The following PCDHGA2 variants were observed in gnomAD, a reference collection of about 807,000 sequenced individuals.
The protein encoded by PCDHGA2 is protocadherin gamma subfamily A, 2, also known as protocadherin gamma-A2.
Under a neutral mutation model 59.2 loss-of-function variants are expected in PCDHGA2, and 40 were observed. The ratio of observed to expected loss-of-function variants is 0.68; its 90% CI spans 0.52 to 0.88. PCDHGA2 has a LOEUF of 0.88. Ranked by LOEUF, PCDHGA2 falls within the 40% of genes least tolerant of loss-of-function variation. PCDHGA2 has a pLI of 0.00. For synonymous variants in PCDHGA2, 560 were observed against 526.0 expected, an observed-to-expected ratio of 1.06 and a Z score of -0.89; for missense variants, 1,226 against 1,204.0, an observed-to-expected ratio of 1.02 and a Z score of -0.27.
At chr5:141,343,506 C>G (rs925556999) in intron 1 of PCDHGA2, among the ~76,000 whole-genome samples, 3 of 152,098 alleles carry the variant, frequency 2.0e-5, no homozygotes, top group Non-Finnish European at 4.4e-5. Context: ...TTGTGTTGGT[C>G]CTTACGGCCA....
chr5:141,481,658 T>C (rs910422064), intron 1 of PCDHGA2, among the ~76,000 whole-genome samples: 2 of 150,554 alleles, frequency 1.3e-5, no homozygotes, highest in East Asian at 2.0e-4. Context: ...TCTCTACTAA[T>C]AATACAAAAA....
In PCDHGA2 at chr5:141,433,401, A is replaced by ATCTC. The variant is rs1554126038; in HGVS notation, c.2425-61403_2425-61402insCTCT. On this transcript the variant is annotated intron_variant, in intron 1 of 3. Transcript: ENST00000394576. ...TATCTATCTATCTATCTATCTATCT[A>ATCTC]TCTATTACTTTCTTGTACAGACAGG... Among the ~76,000 whole-genome samples, 677 of 150,598 alleles carry ATCTC rather than the reference A, an allele frequency of 4.5e-3. 6 individuals are homozygous for ATCTC. Among genetic ancestry groups the ATCTC allele is most frequent in the African/African-American group, 0.015 (630 of 40,958 alleles).
At chr5:141,384,478 G>T (rs1350381914) in intron 1 of PCDHGA2, 1 of 1,613,986 alleles carries the variant, frequency 6.2e-7, no homozygotes, top group African/African-American at 1.3e-5. Flanking sequence ...GCAGTTGAGA[G>T]AACTACAACT....
In PCDHGA2 at chr5:141,477,244, G is replaced by T. The variant is rs367944211; in HGVS notation, c.2425-17563G>T. On this transcript the variant is annotated intron_variant, in intron 1 of 3. Coordinates refer to ENST00000394576, the MANE Select transcript of PCDHGA2 (RefSeq NM_018915.4). The surrounding 1 kb of genome is among the most constrained non-coding windows in gnomAD (Gnocchi z 4.9). ...GGACTGTCATCGCTTTGCTCAGTGT[G>T]ACTGACCTGGATGCTGGCGAGAACG... 9 of 1,614,190 alleles carry T rather than the reference G, an allele frequency of 5.6e-6. No homozygotes were observed. Among genetic ancestry groups the T allele is most frequent in the Non-Finnish European group, 7.6e-6 (9 of 1,180,052 alleles).
chr5:141,460,214 G>C (rs925628892), intron 1 of PCDHGA2, among the ~76,000 whole-genome samples: 1 of 151,896 alleles, frequency 6.6e-6, no homozygotes, highest in South Asian at 2.1e-4. Flanking sequence ...CATTTTCTTA[G>C]TTGTGTCTTT....
intron 1 of PCDHGA2, chr5:141,357,818 C>G: frequency 4.2e-6 from 3 of 707,928 alleles, no homozygotes; most frequent in Non-Finnish European, 6.8e-6. Flanking sequence ...ATTACTTATC[C>G]TTTTTGGTCT....
chr5:141,350,435 T>G, intron 1 of PCDHGA2: 1 of 1,609,644 alleles, frequency 6.2e-7, no homozygotes, highest in Admixed American at 1.7e-5. Context: ...TGTCCGGGAG[T>G]TGCCAACTCG....
At chr5:141,448,862 G>A (rs1406203589) in intron 1 of PCDHGA2, among the ~76,000 whole-genome samples, 2 of 151,996 alleles carry the variant, frequency 1.3e-5, no homozygotes, top group African/African-American at 2.4e-5. Context: ...GGAGAATGGC[G>A]TGAACCTGGG....
chr5:141,495,032 G>T, intron 2 of PCDHGA2, 167 bp downstream of exon 2: 1 of 967,732 alleles, frequency 1.0e-6, no homozygotes, highest in Non-Finnish European at 1.2e-6. Flanking sequence ...GACCCCGGAA[G>T]GAAGAGGCGA....
chr5:141,418,372 A>T (rs771262387), intron 1 of PCDHGA2: 25 of 1,613,968 alleles, frequency 1.5e-5, no homozygotes, highest in Non-Finnish European at 2.1e-5. Flanking sequence ...GCAAATACCA[A>T]CTAAGTCCTA....
intron 2 of PCDHGA2, among the ~76,000 whole-genome samples, chr5:141,497,603 G>A (rs1045138662): frequency 3.3e-5 from 5 of 149,832 alleles, no homozygotes; most frequent in Non-Finnish European, 7.4e-5. Context: ...GCAGTGGTGC[G>A]ATCTTGGCTC....
rs764843194 is a variant in PCDHGA2 at position 141,490,530 on chromosome 5, T to A, written c.2425-4277T>A. 1.2e-6 allele frequency: 2 copies of A among 1,613,794 alleles called. No individual in the cohort carries two copies. Among genetic ancestry groups the A allele is most frequent in the African/African-American group, 2.7e-5 (2 of 74,846 alleles). ...TCGAGCTGCTGGCCAGCGATGCTGG[T>A]TCACCTTCCCTACACAAACATCTCA... On this transcript the variant is annotated intron_variant, in intron 1 of 3. Coordinates refer to ENST00000394576, the MANE Select transcript of PCDHGA2 (RefSeq NM_018915.4). This position sits in a 1 kb window ranked among gnomAD's most constrained non-coding sequence, Gnocchi z 5.4.
intron 1 of PCDHGA2, among the ~76,000 whole-genome samples, chr5:141,442,917 G>A (rs1041756930): frequency 6.6e-6 from 1 of 152,178 alleles, no homozygotes; most frequent in Non-Finnish European, 1.5e-5. Context: ...GCACACAACT[G>A]TTTCATTTTC....
intron 1 of PCDHGA2, among the ~76,000 whole-genome samples, chr5:141,380,766 T>C (rs1403335185): frequency 1.3e-5 from 2 of 152,224 alleles, no homozygotes; most frequent in Admixed American, 1.3e-4. Context: ...TATAAATTAA[T>C]TGAGACTTTT....
intron 1 of PCDHGA2, among the ~76,000 whole-genome samples, chr5:141,363,018 G>T (rs1022427881): frequency 6.6e-6 from 1 of 152,216 alleles, no homozygotes; most frequent in Non-Finnish European, 1.5e-5. Context: ...GGCATGGGTA[G>T]GACATTGTCC....
chr5:141,394,654 C>T lies in PCDHGA2; in HGVS notation c.2424+53259C>T. ...TACCGCCTGCTCAAGGCCAGCGAGCCGGGACTCTTCTCGGTGGGTCTGCAC... is the reference window on the plus strand; with the variant it reads ...TACCGCCTGCTCAAGGCCAGCGAGCTGGGACTCTTCTCGGTGGGTCTGCAC... On this transcript the variant is annotated intron_variant, in intron 1 of 3. Coordinates refer to ENST00000394576, the MANE Select transcript of PCDHGA2 (RefSeq NM_018915.4). 1.9e-6 allele frequency: 3 copies of T among 1,613,236 alleles called. No homozygotes were observed. Among genetic ancestry groups the T allele is most frequent in the Non-Finnish European group, 2.5e-6 (3 of 1,179,928 alleles).
In PCDHGA2 at chr5:141,379,873, T is replaced by C. The variant is rs533347585; in HGVS notation, c.2424+38478T>C. ...AAATTATTGTCTTATTCTTATTTTA[T>C]GGTCTGTGAAAGCCTCTTTTTTTTT... On this transcript the variant is annotated intron_variant, in intron 1 of 3. Transcript: ENST00000394576. Among the ~76,000 whole-genome samples, 18 of 148,596 alleles carry C rather than the reference T, an allele frequency of 1.2e-4. No individual in the cohort carries two copies. The South Asian group carries it at 2.8e-3, about 23-fold the overall frequency.
At chr5:141,479,120 A>T (rs1278879959) in intron 1 of PCDHGA2, among the ~76,000 whole-genome samples, 1 of 152,232 alleles carries the variant, frequency 6.6e-6, no homozygotes, top group Non-Finnish European at 1.5e-5. Context: ...TTCTACTGGA[A>T]ATGATGTGCA....
intron 1 of PCDHGA2, among the ~76,000 whole-genome samples, chr5:141,349,841 T>C (rs1467233687): frequency 6.6e-6 from 1 of 152,216 alleles, no homozygotes; most frequent in Non-Finnish European, 1.5e-5. Flanking sequence ...CCTTGTGAAT[T>C]TTTTAAATGA....
Sources: allele counts gnomAD v4.1 joint callset (sites outside exome capture counted in the v4.1 genomes callset), GRCh38; gene constraint gnomAD v4.1.1; non-coding constraint Gnocchi (gnomAD v3.1); transcripts MANE v1.5; gene names NCBI Gene and HGNC (gene_info 2026-07-23, HGNC 2026-07-21).